GADL1: variants seen among roughly 807,000 people sequenced by gnomAD.
GADL1 encodes the protein GAD like acidic amino acid decarboxylase 1, also known as acidic amino acid decarboxylase GADL1.
A neutral mutation model predicts 69.5 loss-of-function variants in GADL1; 71 were observed. The ratio of observed to expected loss-of-function variants is 1.02; its 90% CI spans 0.84 to 1.25. GADL1 has a LOEUF of 1.25. Among genes scored for constraint, GADL1 ranks in the 50% most tolerant of loss-of-function variants. GADL1 has a pLI of 0.00. For synonymous variants in GADL1, 254 were observed against 214.4 expected (o/e 1.18, Z -1.62); for missense variants, 737 against 631.8 (o/e 1.17, Z -1.79).
chr3:30,855,862 A>G (rs913371265), intron 3 of GADL1, among the ~76,000 whole-genome samples: 2 of 151,460 alleles, frequency 1.3e-5, no homozygotes, highest in Non-Finnish European at 1.5e-5. Flanking sequence ...TAGGGGTTCA[A>G]TAAAAAAACA....
intron 9 of GADL1, among the ~76,000 whole-genome samples, chr3:30,835,412 C>G (rs1697858165): frequency 6.6e-6 from 1 of 151,926 alleles, no homozygotes; most frequent in African/African-American, 2.4e-5. Context: ...TTGGCTGCAC[C>G]ACAGATATGG....
chr3:30,865,286 T>A (rs1293042259), intron 1 of GADL1, among the ~76,000 whole-genome samples: 1 of 73,788 alleles, frequency 1.4e-5, no homozygotes, highest in East Asian at 5.5e-4. Flanking sequence ...CGTAAATTAA[T>A]ATATATATAT....
chr3:30,733,669 C>G (rs113874529), intron 14 of GADL1, among the ~76,000 whole-genome samples: 17 of 151,244 alleles, frequency 1.1e-4, no homozygotes, highest in Non-Finnish European at 7.4e-5. Context: ...CCCTCTCTCC[C>G]TCTCTTGATT....
chr3:30,835,510 C>A (rs1697859800), intron 9 of GADL1, among the ~76,000 whole-genome samples: 1 of 151,990 alleles, frequency 6.6e-6, no homozygotes, highest in Non-Finnish European at 1.5e-5. Flanking sequence ...AAGTACAGCA[C>A]AAGCAACTTT....
chr3:30,863,500 G>T (rs1291347645), intron 1 of GADL1, among the ~76,000 whole-genome samples: 3 of 151,856 alleles, frequency 2.0e-5, no homozygotes, highest in Non-Finnish European at 4.4e-5. Context: ...AATAATTCTG[G>T]CAACTCAATC....
intron 13 of GADL1, among the ~76,000 whole-genome samples, chr3:30,781,658 A>G (rs549441341): frequency 4.6e-5 from 7 of 152,312 alleles, no homozygotes; most frequent in Non-Finnish European, 7.3e-5. Context: ...TTGAATTTCA[A>G]CTTCATCAGA....
chr3:30,863,846 C>T (rs1698357433), intron 1 of GADL1, among the ~76,000 whole-genome samples: 2 of 152,074 alleles, frequency 1.3e-5, no homozygotes, highest in South Asian at 2.1e-4. Flanking sequence ...TTCTATGGCT[C>T]CACAAACACT....
chr3:30,869,340 A>T (rs1166225232), intron 1 of GADL1, among the ~76,000 whole-genome samples: 2 of 151,820 alleles, frequency 1.3e-5, no homozygotes, highest in Admixed American at 6.6e-5. Flanking sequence ...TAAAAATGAC[A>T]TGCCAATGAG....
intron 1 of GADL1, among the ~76,000 whole-genome samples, chr3:30,881,943 G>A (rs531839667): frequency 1.3e-5 from 2 of 151,960 alleles, no homozygotes; most frequent in South Asian, 2.1e-4. Flanking sequence ...GAATGATGGA[G>A]CAAGAAGGCT....
intron 2 of GADL1, among the ~76,000 whole-genome samples, chr3:30,860,794 A>G (rs1698308943): frequency 6.6e-6 from 1 of 152,018 alleles, no homozygotes; most frequent in Admixed American, 6.6e-5. Flanking sequence ...AATAGTTAAG[A>G]GTGCAGATTG....
At chr3:30,870,915 T>C (rs749863393) in intron 1 of GADL1, among the ~76,000 whole-genome samples, 3 of 151,540 alleles carry the variant, frequency 2.0e-5, no homozygotes, top group Non-Finnish European at 4.4e-5. Flanking sequence ...GTTAGACAAA[T>C]GTGTGGCTGG....
chr3:30,824,853 G>T (rs1697657071), intron 11 of GADL1, among the ~76,000 whole-genome samples: 1 of 151,856 alleles, frequency 6.6e-6, no homozygotes, highest in East Asian at 1.9e-4. Context: ...TTTAATCTGT[G>T]TGAGAATGAC....
At chr3:30,871,722 T>C (rs1057027880) in intron 1 of GADL1, among the ~76,000 whole-genome samples, 1 of 151,868 alleles carries the variant, frequency 6.6e-6, no homozygotes, top group Admixed American at 6.6e-5. Flanking sequence ...TAATTCTGAT[T>C]CTACTGAAAC....
intron 14 of GADL1, among the ~76,000 whole-genome samples, chr3:30,764,264 T>G (rs546447321): frequency 1.2e-4 from 19 of 152,186 alleles, no homozygotes; most frequent in Admixed American, 7.9e-4. Context: ...TACTCAAATT[T>G]GTAAGAAGAT....
At chr3:30,824,104 C>T (rs1264421479) in intron 11 of GADL1, among the ~76,000 whole-genome samples, 1 of 151,672 alleles carries the variant, frequency 6.6e-6, no homozygotes, top group Non-Finnish European at 1.5e-5. Flanking sequence ...CCCAGTAAAG[C>T]TCATGCAAGA....
At chr3:30,778,719 G>A (rs1696593292) in intron 13 of GADL1, 1 of 155,924 alleles carries the variant, frequency 6.4e-6, no homozygotes, top group South Asian at 1.9e-4. Flanking sequence ...GATTACCTGT[G>A]AGATGATAAC....
intron 14 of GADL1, among the ~76,000 whole-genome samples, chr3:30,769,377 TGCACACAC>T (rs781311128): frequency 6.8e-4 from 103 of 152,152 alleles, no homozygotes; most frequent in African/African-American, 1.9e-3. Context: ...CTGGAACGTA[TGCACACAC>T]GCACACACAC....
chr3:30,863,250 A>G (rs893191366), intron 1 of GADL1, among the ~76,000 whole-genome samples: 1 of 151,898 alleles, frequency 6.6e-6, no homozygotes, highest in African/African-American at 2.4e-5. Flanking sequence ...AGAGCCCCTA[A>G]TTTTTCAGCC....
chr3:30,855,613 TC>T (rs1203567054), intron 3 of GADL1, among the ~76,000 whole-genome samples: 2 of 151,728 alleles, frequency 1.3e-5, no homozygotes, highest in South Asian at 2.1e-4. Flanking sequence ...TTAATTTTTT[TC>T]CCCCCTCCTA....
Sources: allele counts gnomAD v4.1 joint callset (sites outside exome capture counted in the v4.1 genomes callset), GRCh38; gene constraint gnomAD v4.1.1; transcripts MANE v1.5; gene names NCBI Gene and HGNC (gene_info 2026-07-23, HGNC 2026-07-21).